The following ACVR2B variants were observed in gnomAD, a reference collection of about 807,000 sequenced individuals.
ACVR2B encodes activin A receptor type 2B.
Under a neutral mutation model 65.1 loss-of-function variants are expected in ACVR2B, and 18 were observed. That is an observed-to-expected ratio of 0.28 (90% CI 0.19 to 0.41). The LOEUF (loss-of-function observed/expected upper bound fraction) is 0.41. ACVR2B is among the 10% of genes least tolerant of loss of function. ACVR2B has a pLI of 1.00. For synonymous variants in ACVR2B, 298 were observed against 277.7 expected (o/e 1.07, Z -0.73); for missense variants, 482 against 682.7 (o/e 0.71, Z 3.28).
In ACVR2B at chr3:38,478,168, C is replaced by A. The variant is rs771504080; in HGVS notation, c.398C>A (p.Pro133His). 5 of 1,612,850 alleles carry A rather than the reference C, an allele frequency of 3.1e-6. No individual in the cohort carries two copies. The South Asian group carries it at 5.5e-5, about 18-fold the overall frequency. Residue 133 changes from proline (P) to histidine (H), a missense_variant, in exon 4 of 11, where the codon CCC (proline) becomes CAC (histidine). Physicochemically the swap from Pro to His is moderately conservative, Grantham distance 77 (BLOSUM62 -2). This residue lies in a region of ACVR2B where 95 missense variants were observed against 91.6 expected (regional missense o/e 1.04). Coordinates refer to ENST00000352511, the MANE Select transcript of ACVR2B (RefSeq NM_001106.4). Reference protein sequence around the residue: ...EVTYEPPPTAPTLLTVLAYSL... With the variant: ...EVTYEPPPTAHTLLTVLAYSL... ...ACGTACGAGCCACCCCCGACAGCCCCCACCCTGCTCACGGTGCTGGCCTAC... is the reference window on the plus strand; with the variant it reads ...ACGTACGAGCCACCCCCGACAGCCCACACCCTGCTCACGGTGCTGGCCTAC...
chr3:38,461,607 G>A (rs555002401), intron 1 of ACVR2B, among the ~76,000 whole-genome samples: 4 of 152,154 alleles, frequency 2.6e-5, no homozygotes, highest in East Asian at 1.9e-4. Context: ...CTGAAACCTC[G>A]CATCCAAACC....
At position 38,479,152 on chromosome 3, in the gene ACVR2B, C is replaced by T. The variant is rs970606066; in HGVS notation, c.691C>T (p.Arg231Trp). The change falls in exon 6 of 11, where the codon CGG (arginine) becomes TGG (tryptophan). Residue 231 changes from arginine (R) to tryptophan (W), a missense_variant. Transcript: ENST00000352511. Reference sequence around the variant, plus strand: ...GGACAAGCAGTCGTGGCAGAGTGAACGGGAGATCTTCAGCACACCTGGCAT... The same window carrying T: ...GGACAAGCAGTCGTGGCAGAGTGAATGGGAGATCTTCAGCACACCTGGCAT... ...LQDKQSWQSEREIFSTPGMKH... is the reference protein window; with the variant it reads ...LQDKQSWQSEWEIFSTPGMKH... 7 of 1,614,116 alleles carry T rather than the reference C, an allele frequency of 4.3e-6. No individual in the cohort carries two copies. The highest frequency in any genetic ancestry group is 3.3e-5 in the Admixed American group (2 of 60,018).
At chr3:38,455,961 C>T (rs529852241) in intron 1 of ACVR2B, among the ~76,000 whole-genome samples, 4 of 152,252 alleles carry the variant, frequency 2.6e-5, no homozygotes, top group Admixed American at 6.5e-5. Context: ...AAGCCCAGGC[C>T]TTTAGGAGAG....
rs372967380 is a variant in ACVR2B at position 38,481,309 on chromosome 3, A to T, written c.960-42A>T. On this transcript the variant is annotated intron_variant, in intron 7 of 10. Transcript: ENST00000352511. The surrounding 1 kb of genome is among the most constrained non-coding windows in gnomAD (Gnocchi z 4.7). ...TCTTGGGAACCAAGGTGGGAGTTGG[A>T]TCATGATGTTAAGCTTTATCTCTGC... 3.9e-5 allele frequency: 59 copies of T among 1,529,248 alleles called. No homozygotes were observed. Among genetic ancestry groups the T allele is most frequent in the Admixed American group, 1.8e-4 (11 of 59,876 alleles). 94.7% of individuals were successfully genotyped at this position (1,529,248 alleles called of 1,614,324 possible). A position where few individuals can be genotyped will look rare whatever the true frequency, so the allele number is the denominator to read the frequency against.
chr3:38,478,588 C>G, intron 5 of ACVR2B, 70 bp downstream of exon 5: 1 of 1,605,592 alleles, frequency 6.2e-7, no homozygotes, highest in Non-Finnish European at 8.5e-7. Context: ...CTCTCCTGAC[C>G]TGGGGCAATC....
At chr3:38,454,478 C>T in intron 1 of ACVR2B, 104 bp downstream of exon 1, 1 of 1,034,562 alleles carries the variant, frequency 9.7e-7, no homozygotes, top group Admixed American at 4.5e-5. Flanking sequence ...GCCTCGTCGC[C>T]GCACCACCTG....
chr3:38,468,862 G>A (rs904118542), intron 1 of ACVR2B, among the ~76,000 whole-genome samples: 3 of 152,216 alleles, frequency 2.0e-5, no homozygotes, highest in African/African-American at 7.2e-5. Flanking sequence ...GACTACAAGA[G>A]GGAGCAAAAA....
In ACVR2B at chr3:38,489,955, A is replaced by G. The variant is rs534339348; in HGVS notation, c.*6623A>G. On this transcript the variant is annotated 3_prime_UTR_variant, in exon 11 of 11. Coordinates refer to ENST00000352511, the MANE Select transcript of ACVR2B (RefSeq NM_001106.4). ...ATTTTGTCCTCTCTGGTCAGTGAGA[A>G]TGGTTGGGTTGGCTCGCTGCTTCAA... The G allele has an allele frequency of 6.6e-6, 1 of 152,280 alleles. No homozygotes were observed. Among genetic ancestry groups the G allele is most frequent in the East Asian group, 1.9e-4 (1 of 5,176 alleles). The allele number at this position is 152,280 out of a possible 1,614,324, so 9.4% of individuals were successfully genotyped here.
At position 38,491,369 on chromosome 3, in the gene ACVR2B, G is replaced by A. The variant is rs528552658; in HGVS notation, c.*8037G>A. On this transcript the variant is annotated 3_prime_UTR_variant, in exon 11 of 11. Transcript: ENST00000352511. Reference sequence around the variant, plus strand: ...TAGACCTGCTGTTCCGCAGACCATGGGACACAAGGTCAGTGTGTTCCCAGT... The same window carrying A: ...TAGACCTGCTGTTCCGCAGACCATGAGACACAAGGTCAGTGTGTTCCCAGT... 76 of 152,704 alleles carry A rather than the reference G, an allele frequency of 5.0e-4. No homozygotes were observed. The highest frequency in any genetic ancestry group is 5.9e-4 in the Admixed American group (9 of 15,302). The allele number at this position is 152,704 out of a possible 1,614,324, so 9.5% of individuals were successfully genotyped here.
Position 38,483,348 on chromosome 3 carries a change from GTC to G in ACVR2B, c.*18_*19del. The G allele has an allele frequency of 6.2e-7, 1 of 1,613,868 alleles. No homozygotes were observed. Among genetic ancestry groups the G allele is most frequent in the Non-Finnish European group, 8.5e-7 (1 of 1,179,834 alleles). ...AAGCATCTAAGCCCAGGACATGAGT[GTC>G]TGTCCAGACTCAGTGGATCTGAAGA... On this transcript the variant is annotated 3_prime_UTR_variant, in exon 11 of 11. Transcript: ENST00000352511. The surrounding 1 kb of genome is among the most constrained non-coding windows in gnomAD (Gnocchi z 4.8).
At chr3:38,466,479 T>C (rs1166999951) in intron 1 of ACVR2B, among the ~76,000 whole-genome samples, 2 of 151,858 alleles carry the variant, frequency 1.3e-5, no homozygotes, top group Admixed American at 6.6e-5. Flanking sequence ...TGTACAGTTA[T>C]TACGTGTCAA....
In ACVR2B at chr3:38,477,711, T is replaced by C. The variant is rs1709936741; in HGVS notation, c.261-150T>C. On this transcript the variant is annotated intron_variant, in intron 2 of 10. Transcript: ENST00000352511. The surrounding 1 kb of genome is among the most constrained non-coding windows in gnomAD (Gnocchi z 6.7). ...CAACCCCTGGCTGTTCTTCCTTGGC[T>C]TTGGGTCTCCTGTAGGGGAGGTGAG... The C allele has an allele frequency of 9.5e-7, 1 of 1,053,060 alleles. No individual in the cohort carries two copies. The highest frequency in any genetic ancestry group is 1.6e-5 in the African/African-American group (1 of 64,362). 65.2% of individuals were successfully genotyped at this position (1,053,060 alleles called of 1,614,324 possible).
chr3:38,483,374 GA>G lies in ACVR2B; in HGVS notation c.*48del, dbSNP rs151147030. ...TCTGTCCAGACTCAGTGGATCTGAA[GA>G]AAAAAGGAAAAAAAGTTGTGTTTTG... is the stretch of plus-strand genomic sequence containing the variant. On this transcript the variant is annotated 3_prime_UTR_variant, in exon 11 of 11. Coordinates refer to ENST00000352511, the MANE Select transcript of ACVR2B (RefSeq NM_001106.4). This position sits in a 1 kb window ranked among gnomAD's most constrained non-coding sequence, Gnocchi z 4.8. 1.8e-3 allele frequency: 2,865 copies of G among 1,598,820 alleles called. 25 individuals are homozygous for G. The African/African-American group carries it at 0.024, about 13-fold the overall frequency.
In ACVR2B at chr3:38,483,407, A is replaced by G; in HGVS notation, c.*75A>G. The G allele has an allele frequency of 6.7e-7, 1 of 1,492,586 alleles. No individual in the cohort carries two copies. Among genetic ancestry groups the G allele is most frequent in the Non-Finnish European group, 9.3e-7 (1 of 1,075,290 alleles). The allele number at this position is 1,492,586 out of a possible 1,614,324, so 92.5% of individuals were successfully genotyped here. On this transcript the variant is annotated 3_prime_UTR_variant, in exon 11 of 11. Coordinates refer to ENST00000352511, the MANE Select transcript of ACVR2B (RefSeq NM_001106.4). This position sits in a 1 kb window ranked among gnomAD's most constrained non-coding sequence, Gnocchi z 4.8. ...GAAAAAAAGTTGTGTTTTGTTTTGG[A>G]AATCCCATAAAACCAACAAACACAT...
At chr3:38,464,600 G>C (rs571353482) in intron 1 of ACVR2B, among the ~76,000 whole-genome samples, 50 of 152,160 alleles carry the variant, frequency 3.3e-4, no homozygotes, top group Non-Finnish European at 6.2e-4. Context: ...TAGTCATAGG[G>C]GCAACTGAGA....
intron 1 of ACVR2B, among the ~76,000 whole-genome samples, chr3:38,455,550 A>T (rs1279944212): frequency 6.6e-6 from 1 of 151,888 alleles, no homozygotes; most frequent in East Asian, 2.0e-4. Flanking sequence ...TCCCATTCCC[A>T]CCCTGGTTCT....
At chr3:38,468,168 C>T (rs941323104) in intron 1 of ACVR2B, among the ~76,000 whole-genome samples, 12 of 152,180 alleles carry the variant, frequency 7.9e-5, no homozygotes, top group African/African-American at 2.2e-4. Flanking sequence ...GCATGAGCCA[C>T]CATGCGGGCC....
intron 1 of ACVR2B, among the ~76,000 whole-genome samples, chr3:38,462,593 A>G (rs11925643): frequency 0.025 from 3,847 of 152,308 alleles, 171 homozygotes; most frequent in African/African-American, 0.086. Flanking sequence ...ACTTTAAGCT[A>G]TGTTGGATGT....
chr3:38,472,348 G>T (rs1316672654), intron 1 of ACVR2B, among the ~76,000 whole-genome samples: 1 of 152,182 alleles, frequency 6.6e-6, no homozygotes, highest in Non-Finnish European at 1.5e-5. Flanking sequence ...CCTTTCGAGG[G>T]GTGCTGTCTG....
Sources: gnomAD v4.1 joint callset for allele counts (sites outside exome capture counted in the v4.1 genomes callset) on GRCh38, gnomAD v4.1.1 for gene constraint, gnomAD v4.1.1 regional missense constraint, Gnocchi (gnomAD v3.1) non-coding constraint, MANE v1.5 for transcripts, NCBI Gene and HGNC (gene_info 2026-07-23, HGNC 2026-07-21) for gene names.